Variants in CATSPER4 observed in about 807,000 individuals in gnomAD.
CATSPER4 encodes the protein cation channel sperm associated 4, also known as cation channel sperm-associated protein 4.
CATSPER4 carries 46 observed loss-of-function variants against 54.4 expected under a neutral mutation model. The observed-to-expected ratio is 0.84, with a 90% CI of 0.67 to 1.08. The LOEUF (loss-of-function observed/expected upper bound fraction) is 1.08, where lower values mean the gene tolerates loss of function less well. Among genes scored for constraint, CATSPER4 ranks in the 50% least tolerant of loss-of-function variants. The probability of loss-of-function intolerance (pLI) is 0.00; values close to 1 mark genes in which losing one functional copy is unlikely to be tolerated. For synonymous variants in CATSPER4, 230 were observed against 231.9 expected, an observed-to-expected ratio of 0.99 and a Z score of 0.08; for missense variants, 574 against 612.8, an observed-to-expected ratio of 0.94 and a Z score of 0.67.
In CATSPER4 at chr1:26,193,271, G is replaced by A. The variant is rs541245748; in HGVS notation, c.358-516G>A. Among the ~76,000 whole-genome samples, 5 of 152,230 alleles carry A rather than the reference G, an allele frequency of 3.3e-5. No individual in the cohort carries two copies. In the East Asian group the frequency reaches 7.7e-4, roughly 24 times the overall value. On this transcript the variant is annotated intron_variant, in intron 2 of 9. Coordinates refer to ENST00000456354, the MANE Select transcript of CATSPER4 (RefSeq NM_198137.2). ...CAGGGTGCATGTCCTGGACCCATGA[G>A]TGGCAGGATACCCAGGAGTTTGGTC...
intron 3 of CATSPER4, among the ~76,000 whole-genome samples, chr1:26,196,222 A>G (rs2088936729): frequency 6.8e-6 from 1 of 147,424 alleles, no homozygotes; most frequent in East Asian, 2.0e-4. Context: ...GCCTCAAGCA[A>G]TCCTCTCCCG....
At chr1:26,201,154 C>A in intron 8 of CATSPER4, 113 bp downstream of exon 8, 2 of 1,026,090 alleles carry the variant, frequency 1.9e-6, no homozygotes, top group Non-Finnish European at 3.0e-6. Context: ...CTGGGCCCCA[C>A]AGAGGTCCCC....
intron 1 of CATSPER4, 135 bp from the exon 2 acceptor site, chr1:26,191,152 A>G (rs764901371): frequency 2.9e-6 from 3 of 1,031,498 alleles, no homozygotes; most frequent in African/African-American, 1.6e-5. Flanking sequence ...TGATGTCTCC[A>G]TTCCATGATC....
chr1:26,193,991 TG>T (rs1405807849), intron 3 of CATSPER4, 103 bp downstream of exon 3: 64 of 816,308 alleles, frequency 7.8e-5, no homozygotes, highest in Non-Finnish European at 1.2e-4. Context: ...TGAGTATGTG[TG>T]TGTGTGTAGA....
At chr1:26,197,153 G>A (rs77352707) in intron 3 of CATSPER4, among the ~76,000 whole-genome samples, 26,305 of 151,804 alleles carry the variant, frequency 0.17, 2,407 homozygotes, top group Middle Eastern at 0.24. Context: ...TGATCCACCT[G>A]CCTCAGACTC....
chr1:26,191,011 C>G (rs2088861042), intron 1 of CATSPER4, among the ~76,000 whole-genome samples, 171 bp downstream of exon 1: 1 of 152,048 alleles, frequency 6.6e-6, no homozygotes, highest in African/African-American at 2.4e-5. Context: ...GGCAATGCCC[C>G]CCATAGGAAC....
chr1:26,191,042 C>G lies in CATSPER4; in HGVS notation c.213+202C>G, dbSNP rs114811321. 6.6e-3 allele frequency among the ~76,000 whole-genome samples: 1,009 copies of G among 152,234 alleles called. 8 individuals carry two copies. The highest frequency in any genetic ancestry group is 0.021 in the African/African-American group (872 of 41,516). Reference sequence around the variant, plus strand: ...GGAACCCTTATATAACGATCATCTTCACTATCAGAGAGCCCAAAGAGATTC... The same window carrying G: ...GGAACCCTTATATAACGATCATCTTGACTATCAGAGAGCCCAAAGAGATTC... On this transcript the variant is annotated intron_variant, in intron 1 of 9. Transcript: ENST00000456354.
intron 3 of CATSPER4, among the ~76,000 whole-genome samples, chr1:26,194,137 C>T (rs1222488740): frequency 6.6e-6 from 1 of 152,220 alleles, no homozygotes; most frequent in African/African-American, 2.4e-5. Context: ...AACCTGACTT[C>T]CTTGTCTGAG....
At position 26,201,447 on chromosome 1, in the gene CATSPER4, T is replaced by A. The variant is rs200619838; in HGVS notation, c.1293T>A (p.Thr431=). 3.5e-5 allele frequency: 57 copies of A among 1,613,816 alleles called. No homozygotes were observed. In the East Asian group the frequency reaches 1.2e-3, roughly 33 times the overall value. The change falls in exon 9 of 10, where the codon ACT becomes ACA. Residue 431 remains threonine (T), a synonymous_variant. Transcript: ENST00000456354. ...RRSSTSGSLE[T]TSSKDIRQMS... is the part of the protein sequence containing the mutation. ...CGTCGACGAGCGGGTCGTTGGAGAC[T>A]ACGTCATCCAAGGACATCCGCCAGA... is the stretch of plus-strand genomic sequence containing the variant.
At position 26,202,587 on chromosome 1, in the gene CATSPER4, C is replaced by A; in HGVS notation, c.*45C>A. 1 of 1,549,734 alleles carries A rather than the reference C, an allele frequency of 6.5e-7. No individual in the cohort carries two copies. The highest frequency in any genetic ancestry group is 8.9e-7 in the Non-Finnish European group (1 of 1,129,418). The stretch of plus-strand genomic sequence containing the variant: ...AGGGGCCTGCACACACACACCCAGC[C>A]GCTGCGTCTTCCTGTGTCCTTAGTG... On this transcript the variant is annotated 3_prime_UTR_variant, in exon 10 of 10. Transcript: ENST00000456354.
At chr1:26,199,364 G>A (rs7551751) in intron 6 of CATSPER4, among the ~76,000 whole-genome samples, 74,411 of 150,696 alleles carry the variant, frequency 0.49, 19,403 homozygotes, top group Non-Finnish European at 0.58. Flanking sequence ...CCTGGGAGGC[G>A]GAGGTTGCGG....
chr1:26,196,553 G>A (rs1461290440), intron 3 of CATSPER4, among the ~76,000 whole-genome samples: 1 of 151,088 alleles, frequency 6.6e-6, no homozygotes, highest in Non-Finnish European at 1.5e-5. Context: ...GACTACAGGG[G>A]CACATGCCAA....
rs6700024 is a variant in CATSPER4 at position 26,200,063 on chromosome 1, G to C, written c.987+5G>C. ...CAACGAATAACCTTTAGTGAGGTGC[G>C]TGGGATGGGGAGGGCAGAAGGGAGG... On this transcript the variant is annotated splice_donor_5th_base_variant and intron_variant, in intron 7 of 9. Transcript: ENST00000456354. The C allele has an allele frequency of 6.2e-7, 1 of 1,611,228 alleles. No homozygotes were observed. The highest frequency in any genetic ancestry group is 1.7e-5 in the Admixed American group (1 of 59,588).
chr1:26,191,660 A>G (rs1281422738), intron 2 of CATSPER4, among the ~76,000 whole-genome samples: 1 of 152,150 alleles, frequency 6.6e-6, no homozygotes, highest in African/African-American at 2.4e-5. Flanking sequence ...GAGGGACAGG[A>G]GAAGAATGGT....
At chr1:26,194,247 G>A (rs1195803260) in intron 3 of CATSPER4, among the ~76,000 whole-genome samples, 1 of 152,226 alleles carries the variant, frequency 6.6e-6, no homozygotes, top group African/African-American at 2.4e-5. Flanking sequence ...AAGCTTCATG[G>A]CTGTACAGCC....
chr1:26,198,427 C>T lies in CATSPER4; in HGVS notation c.812+8C>T, dbSNP rs756292157. ...CATCTACAGTGACTTCCAGTGAGTG[C>T]CAGTGGGACTTCCAGCCTCATCCCA... On this transcript the variant is annotated splice_region_variant and intron_variant, in intron 6 of 9. Coordinates refer to ENST00000456354, the MANE Select transcript of CATSPER4 (RefSeq NM_198137.2). The T allele has an allele frequency of 4.3e-6, 7 of 1,613,906 alleles. No homozygotes were observed. The highest frequency in any genetic ancestry group is 1.7e-4 in the Middle Eastern group (1 of 6,014).
rs940075909 is a variant in CATSPER4, at chr1:26,198,324, C to T, written c.717C>T (p.Phe239=). 6.2e-6 allele frequency: 10 copies of T among 1,614,040 alleles called. No homozygotes were observed. The highest frequency in any genetic ancestry group is 1.1e-5 in the South Asian group (1 of 91,094). ...SVFGVTLFGA[F]VPKHFQNIQV... ...TTGGAGTAACACTCTTTGGTGCATT[C>T]GTGCCCAAGCATTTCCAGAACATAC... The change falls in exon 6 of 10, where the codon TTC becomes TTT. Residue 239 remains phenylalanine, a synonymous_variant. Transcript: ENST00000456354.
intron 3 of CATSPER4, among the ~76,000 whole-genome samples, chr1:26,194,906 G>A (rs942081331): frequency 6.6e-6 from 1 of 152,114 alleles, no homozygotes; most frequent in Non-Finnish European, 1.5e-5. Context: ...GCAACATGGT[G>A]AAACCTCGTC....
intron 2 of CATSPER4, 72 bp downstream of exon 2, chr1:26,191,502 A>G: frequency 6.5e-7 from 1 of 1,540,418 alleles, no homozygotes; most frequent in South Asian, 1.1e-5. Flanking sequence ...TTCCGGCCTC[A>G]GGCTCCTCAT....
Sources: gnomAD v4.1 joint callset for allele counts (sites outside exome capture counted in the v4.1 genomes callset) on GRCh38, gnomAD v4.1.1 for gene constraint, MANE v1.5 for transcripts, NCBI Gene and HGNC (gene_info 2026-07-23, HGNC 2026-07-21) for gene names.